Variants in ARAP2 observed in about 807,000 individuals in gnomAD.
The protein encoded by ARAP2 is arf-GAP with Rho-GAP domain, ANK repeat and PH domain-containing protein 2.
In ARAP2, 148 loss-of-function variants were observed where a neutral mutation model predicts 194.5. The ratio of observed to expected loss-of-function variants is 0.76; its 90% confidence interval spans 0.67 to 0.87. ARAP2 has a LOEUF of 0.87. Among genes scored for constraint, ARAP2 ranks in the 40% least tolerant of loss-of-function variants. ARAP2 has a pLI of 0.00. For missense variants in ARAP2, 2,128 were observed against 1,989.7 expected (o/e 1.07, Z -1.32); for synonymous variants, 695 against 683.5 (o/e 1.02, Z -0.26).
At chr4:36,063,341 G>A (rs1164667845), downstream of ARAP2, among the ~76,000 whole-genome samples, 1 of 150,480 alleles carries the variant, frequency 6.6e-6, no homozygotes, top group Non-Finnish European at 1.5e-5. Context: ...ATAGCATTAG[G>A]AGAAATACCT....
At chr4:36,122,188 C>T (rs548005414) in intron 22 of ARAP2, among the ~76,000 whole-genome samples, 3 of 151,720 alleles carry the variant, frequency 2.0e-5, no homozygotes, top group Admixed American at 6.6e-5. Context: ...ATTAGTTCAA[C>T]CACTGTAGAA....
rs141084429 is a variant in ARAP2, at chr4:36,203,578, T to C, written c.1487+6812A>G. On this transcript the variant is annotated intron_variant, in intron 6 of 32. Coordinates refer to ENST00000303965, the MANE Select transcript of ARAP2 (RefSeq NM_015230.4). ...CATCCTGGGTGACAGAGCAACACTG[T>C]GTCTCAAAAAAACAAAACAAAACAA... is the stretch of plus-strand genomic sequence containing the variant. Among the ~76,000 whole-genome samples the C allele has an allele frequency of 1.3e-4, 19 of 151,868 alleles. No individual in the cohort carries two copies. In the East Asian group the frequency reaches 3.7e-3, roughly 29 times the overall value.
chr4:36,166,190 A>T (rs1210271158), intron 10 of ARAP2, among the ~76,000 whole-genome samples: 2 of 152,110 alleles, frequency 1.3e-5, no homozygotes, highest in Non-Finnish European at 2.9e-5. Flanking sequence ...GAAATTCCTA[A>T]TTGTTAGTCC....
intron 7 of ARAP2, among the ~76,000 whole-genome samples, chr4:36,192,219 C>T (rs1233687053): frequency 8.0e-6 from 1 of 125,072 alleles, no homozygotes; most frequent in South Asian, 2.6e-4. Context: ...ACCATCTAGA[C>T]AATAAATGGA....
intron 9 of ARAP2, among the ~76,000 whole-genome samples, chr4:36,009,160 T>C (rs1250457959): frequency 6.6e-6 from 1 of 152,086 alleles, no homozygotes; most frequent in Non-Finnish European, 1.5e-5. Flanking sequence ...CCCTATGAAT[T>C]GAACTACCAT....
intron 15 of ARAP2, 71 bp from the exon 16 acceptor site, chr4:36,151,115 CT>C (rs1384250858): frequency 1.5e-6 from 2 of 1,331,688 alleles, no homozygotes; most frequent in African/African-American, 3.0e-5. Flanking sequence ...CAAAAACATA[CT>C]TCTAAATAAT....
At chr4:36,061,871 G>A (rs1724499245), downstream of ARAP2, among the ~76,000 whole-genome samples, 1 of 152,112 alleles carries the variant, frequency 6.6e-6, no homozygotes, top group South Asian at 2.1e-4. Flanking sequence ...ATTTCTGATT[G>A]TAGTTTTGAT....
chr4:36,015,994 G>A (rs1170387430), intron 6 of ARAP2: 1 of 152,124 alleles, frequency 6.6e-6, no homozygotes, highest in East Asian at 1.9e-4. Context: ...AGGAAAGCAA[G>A]TTTAAGGAGA....
chr4:36,006,410 T>A (rs954474624), intron 10 of ARAP2: 1 of 152,202 alleles, frequency 6.6e-6, no homozygotes, highest in East Asian at 1.9e-4. Context: ...AGCATTCTTA[T>A]GCAATTACGC....
At chr4:36,078,844 A>G (rs751062617) in intron 31 of ARAP2, among the ~76,000 whole-genome samples, 3 of 152,090 alleles carry the variant, frequency 2.0e-5, no homozygotes, top group Non-Finnish European at 4.4e-5. Flanking sequence ...ACTTTACCAA[A>G]AGACTTCAAA....
chr4:36,121,105 C>G, intron 23 of ARAP2, 74 bp downstream of exon 23: 1 of 1,167,146 alleles, frequency 8.6e-7, no homozygotes, highest in Non-Finnish European at 1.2e-6. Context: ...TAATAACACC[C>G]TACAACATAA....
At chr4:36,180,361 C>T (rs1332140284) in intron 8 of ARAP2, among the ~76,000 whole-genome samples, 2 of 152,122 alleles carry the variant, frequency 1.3e-5, no homozygotes, top group Non-Finnish European at 2.9e-5. Flanking sequence ...CATTGTTATA[C>T]ATCATAAACC....
chr4:36,119,394 C>T (rs549221068), intron 24 of ARAP2, among the ~76,000 whole-genome samples: 4 of 151,538 alleles, frequency 2.6e-5, no homozygotes, highest in South Asian at 2.1e-4. Flanking sequence ...TGGTTTTATA[C>T]ACAAAAGTTG....
At chr4:36,068,534 A>T (rs1170771245) in intron 32 of ARAP2, among the ~76,000 whole-genome samples, 3 of 152,218 alleles carry the variant, frequency 2.0e-5, no homozygotes, top group Admixed American at 2.0e-4. Context: ...AAAAACAAAT[A>T]TGCATGAAGT....
At chr4:36,099,253 A>T (rs180828421) in intron 27 of ARAP2, among the ~76,000 whole-genome samples, 34 of 152,204 alleles carry the variant, frequency 2.2e-4, no homozygotes, top group Admixed American at 9.2e-4. Flanking sequence ...TTATAGCTGC[A>T]TAGTATTCCA....
chr4:36,173,482 T>C (rs1042628640), intron 9 of ARAP2, among the ~76,000 whole-genome samples: 3 of 152,004 alleles, frequency 2.0e-5, no homozygotes, highest in African/African-American at 2.4e-5. Flanking sequence ...GTTTAGGACA[T>C]AGACAAAATT....
At chr4:36,215,124 A>T (rs753354997) in intron 2 of ARAP2, among the ~76,000 whole-genome samples, 9 of 152,236 alleles carry the variant, frequency 5.9e-5, no homozygotes, top group Non-Finnish European at 1.3e-4. Flanking sequence ...CATCTAAAAA[A>T]TGGAAAAATA....
At chr4:36,162,206 G>C (rs941272016) in intron 11 of ARAP2, among the ~76,000 whole-genome samples, 7 of 151,606 alleles carry the variant, frequency 4.6e-5, no homozygotes, top group African/African-American at 1.7e-4. Context: ...TTCCTCATTT[G>C]GTAATCAGCT....
chr4:36,204,759 G>A (rs1260962233), intron 6 of ARAP2, among the ~76,000 whole-genome samples: 1 of 152,066 alleles, frequency 6.6e-6, no homozygotes, highest in Non-Finnish European at 1.5e-5. Context: ...GGGAGACCGA[G>A]GAGGGTAGAT....
Sources: allele counts gnomAD v4.1 joint callset (sites outside exome capture counted in the v4.1 genomes callset), GRCh38; gene constraint gnomAD v4.1.1; transcripts MANE v1.5; gene names NCBI Gene and HGNC (gene_info 2026-07-23, HGNC 2026-07-21).